The following GLIS3 variants were observed in gnomAD, a reference collection of about 807,000 sequenced individuals.
The protein encoded by GLIS3 is zinc finger protein GLIS3.
A neutral mutation model predicts 78.6 loss-of-function variants in GLIS3; 53 were observed. The observed-to-expected ratio is 0.67, with a 90% confidence interval of 0.54 to 0.85. The LOEUF (loss-of-function observed/expected upper bound fraction) is 0.85, where lower values mean the gene tolerates loss of function less well. GLIS3 is among the 40% of genes least tolerant of loss of function. GLIS3 has a pLI of 0.00. For missense variants in GLIS3, 1,703 were observed against 1,231.1 expected, an observed-to-expected ratio of 1.38 and a Z score of -5.74; for synonymous variants, 684 against 509.9, an observed-to-expected ratio of 1.34 and a Z score of -4.60.
At chr9:4,258,389 T>C (rs1402551397) in intron 2 of GLIS3, among the ~76,000 whole-genome samples, 1 of 152,224 alleles carries the variant, frequency 6.6e-6, no homozygotes, top group Non-Finnish European at 1.5e-5. Flanking sequence ...TAGGTCATAT[T>C]GGTGAGTAAG....
intron 2 of GLIS3, among the ~76,000 whole-genome samples, chr9:4,175,888 G>A (rs904091039): frequency 2.6e-5 from 4 of 152,072 alleles, no homozygotes; most frequent in Admixed American, 2.0e-4. Context: ...AAAAACTGAG[G>A]CTAGAGGTTC....
At chr9:4,371,532 C>T in the GLIS3 span, among the ~76,000 whole-genome samples, 1 of 152,164 alleles carries the variant, frequency 6.6e-6, no homozygotes, top group South Asian at 2.1e-4. Context: ...AGATGGTTTT[C>T]GCTGCCTAGA....
At chr9:4,083,289 C>T (rs1828714034) in intron 4 of GLIS3, among the ~76,000 whole-genome samples, 1 of 152,016 alleles carries the variant, frequency 6.6e-6, no homozygotes, top group Admixed American at 6.6e-5. Context: ...TGCCACTACT[C>T]CTCATCATTG....
chr9:4,196,272 C>A lies in GLIS3; in HGVS notation c.389-70331G>T, dbSNP rs544174982. 2.0e-5 allele frequency among the ~76,000 whole-genome samples: 3 copies of A among 152,206 alleles called. No individual in the cohort carries two copies. The South Asian group carries it at 6.2e-4, about 32-fold the overall frequency. ...CCAATCAGCACCCTGTCAAAACAGT[C>A]CAATCAGCTCTCTGTAAAATGGACC... On this transcript the variant is annotated intron_variant, in intron 2 of 10. Transcript: ENST00000381971.
the GLIS3 span, among the ~76,000 whole-genome samples, chr9:4,390,684 G>C: frequency 6.6e-6 from 1 of 152,184 alleles, no homozygotes; most frequent in Non-Finnish European, 1.5e-5. Context: ...TCTCAGGCTA[G>C]AAGATCCAGA....
intron 4 of GLIS3, among the ~76,000 whole-genome samples, chr9:3,939,514 A>T (rs1243681011): frequency 6.6e-6 from 1 of 152,234 alleles, no homozygotes; most frequent in Non-Finnish European, 1.5e-5. Context: ...ATTCCAAGCA[A>T]ATCAGTGCAA....
chr9:4,061,814 A>G (rs766788273), intron 4 of GLIS3, among the ~76,000 whole-genome samples: 16 of 152,246 alleles, frequency 1.1e-4, no homozygotes, highest in Admixed American at 3.3e-4. Flanking sequence ...CTGAAGAATT[A>G]TGCAAGAATG....
chr9:4,107,622 T>C (rs1044769726), intron 4 of GLIS3, among the ~76,000 whole-genome samples: 1 of 152,204 alleles, frequency 6.6e-6, no homozygotes, highest in African/African-American at 2.4e-5. Flanking sequence ...TTCTTATCAT[T>C]TGCCTCTTTA....
chr9:4,052,921 C>T (rs1825841988), intron 4 of GLIS3, among the ~76,000 whole-genome samples: 1 of 151,994 alleles, frequency 6.6e-6, no homozygotes. Flanking sequence ...AGCAGTTACG[C>T]CATTTTTCAT....
At chr9:4,010,590 T>A (rs1373908558) in intron 4 of GLIS3, among the ~76,000 whole-genome samples, 1 of 152,128 alleles carries the variant, frequency 6.6e-6, no homozygotes, top group Non-Finnish European at 1.5e-5. Context: ...AGAACAGACA[T>A]GAAATTTGCC....
chr9:4,063,638 C>T (rs1172021228), intron 4 of GLIS3, among the ~76,000 whole-genome samples: 1 of 151,792 alleles, frequency 6.6e-6, no homozygotes, highest in Non-Finnish European at 1.5e-5. Context: ...TAACTCACTA[C>T]TAGAACTCAA....
the GLIS3 span, among the ~76,000 whole-genome samples, chr9:4,467,062 A>G: frequency 2.0e-5 from 3 of 152,194 alleles, no homozygotes; most frequent in Non-Finnish European, 4.4e-5. Context: ...ATTGAACTGC[A>G]AGGTGGCAGC....
At chr9:3,981,421 T>C (rs1468389878) in intron 4 of GLIS3, among the ~76,000 whole-genome samples, 1 of 152,116 alleles carries the variant, frequency 6.6e-6, no homozygotes, top group African/African-American at 2.4e-5. Flanking sequence ...ACTGTCTAAT[T>C]CAAAATGTGC....
At chr9:4,421,537 G>C in the GLIS3 span, among the ~76,000 whole-genome samples, 1 of 152,194 alleles carries the variant, frequency 6.6e-6, no homozygotes. Context: ...TACTTATTCA[G>C]TGTTAGTTGT....
intron 4 of GLIS3, among the ~76,000 whole-genome samples, chr9:4,307,159 T>G (rs1817245558): frequency 6.6e-6 from 1 of 152,148 alleles, no homozygotes; most frequent in Non-Finnish European, 1.5e-5. Context: ...ATTCTCACAG[T>G]GTAGAGGCTA....
chr9:3,909,908 G>A (rs910622375), intron 6 of GLIS3, among the ~76,000 whole-genome samples: 3 of 152,180 alleles, frequency 2.0e-5, no homozygotes, highest in Admixed American at 6.5e-5. Flanking sequence ...TGTGGCTAAT[G>A]CAACTGAGGA....
the GLIS3 span, among the ~76,000 whole-genome samples, chr9:4,377,775 G>C: frequency 1.3e-5 from 2 of 152,102 alleles, no homozygotes; most frequent in Non-Finnish European, 2.9e-5. Flanking sequence ...GCAATAATCT[G>C]AAAGTTGCAC....
At chr9:4,407,655 A>C in the GLIS3 span, among the ~76,000 whole-genome samples, 3 of 152,208 alleles carry the variant, frequency 2.0e-5, no homozygotes, top group African/African-American at 7.2e-5. Context: ...AAAAACAAAA[A>C]GGAAAAAGAA....
At chr9:4,197,110 C>G (rs1476031096) in intron 2 of GLIS3, among the ~76,000 whole-genome samples, 2 of 152,196 alleles carry the variant, frequency 1.3e-5, no homozygotes, top group African/African-American at 2.4e-5. Context: ...GCCTGAACAT[C>G]TTACCCTTCC....
Sources: gnomAD v4.1 joint callset for allele counts (sites outside exome capture counted in the v4.1 genomes callset) on GRCh38, gnomAD v4.1.1 for gene constraint, MANE v1.5 for transcripts, NCBI Gene and HGNC (gene_info 2026-07-23, HGNC 2026-07-21) for gene names.